MAGI1: variants seen among roughly 807,000 people sequenced by gnomAD.
MAGI1 encodes membrane associated guanylate kinase, WW and PDZ domain containing 1, also known as membrane-associated guanylate kinase, WW and PDZ domain-containing protein 1.
MAGI1 carries 58 observed loss-of-function variants against 139.9 expected under a neutral mutation model. The ratio of observed to expected loss-of-function variants is 0.41; its 90% CI spans 0.34 to 0.52. MAGI1 has a LOEUF of 0.52. MAGI1 is among the 20% of genes least tolerant of loss of function. The pLI is 0.12. For synonymous variants in MAGI1, 812 were observed against 737.9 expected (o/e 1.10, Z -1.63); for missense variants, 1,874 against 1,901.6 (o/e 0.99, Z 0.27).
At chr3:65,921,257 A>G (rs998373625) in intron 1 of MAGI1, among the ~76,000 whole-genome samples, 5 of 151,982 alleles carry the variant, frequency 3.3e-5, no homozygotes, top group African/African-American at 1.2e-4. Flanking sequence ...AAAAAAATTG[A>G]TTTGAGAAGA....
chr3:65,384,826 C>T (rs1943324038), intron 14 of MAGI1, among the ~76,000 whole-genome samples: 1 of 151,498 alleles, frequency 6.6e-6, no homozygotes, highest in African/African-American at 2.4e-5. Flanking sequence ...AAATATTAGG[C>T]TATTTTCTAG....
intron 1 of MAGI1, among the ~76,000 whole-genome samples, chr3:65,929,120 C>A (rs780168747): frequency 6.6e-6 from 1 of 151,144 alleles, no homozygotes; most frequent in South Asian, 2.1e-4. Flanking sequence ...TGCCGGTGCA[C>A]CCCAGCCTGA....
intron 1 of MAGI1, among the ~76,000 whole-genome samples, chr3:65,647,261 G>A (rs984142036): frequency 6.6e-6 from 1 of 152,096 alleles, no homozygotes; most frequent in Non-Finnish European, 1.5e-5. Context: ...TTTGACAACT[G>A]AGATGAAATG....
chr3:65,759,295 T>C (rs1311248164), intron 1 of MAGI1, among the ~76,000 whole-genome samples: 1 of 152,192 alleles, frequency 6.6e-6, no homozygotes, highest in Non-Finnish European at 1.5e-5. Context: ...CATATATTCA[T>C]GGATGTCATT....
rs537979822 is a variant in MAGI1, at chr3:65,793,676, T to C, written c.314-171588A>G. On this transcript the variant is annotated intron_variant, in intron 1 of 22. Transcript: ENST00000402939. ...GCGAAAATGCCTGCAACTGCTGGCC[T>C]GGGTGGAGCAGCTGCAGGTCTGCAT... is the stretch of plus-strand genomic sequence containing the variant. Among the ~76,000 whole-genome samples the C allele has an allele frequency of 1.6e-4, 25 of 152,330 alleles. 1 individual carries two copies. Among genetic ancestry groups the C allele is most frequent in the African/African-American group, 6.0e-4 (25 of 41,592 alleles).
intron 1 of MAGI1, among the ~76,000 whole-genome samples, chr3:65,868,978 A>G (rs1243417537): frequency 1.3e-5 from 2 of 152,010 alleles, no homozygotes; most frequent in East Asian, 3.9e-4. Flanking sequence ...AACATACCTC[A>G]TAATTACTGC....
rs959686968 is a variant in MAGI1, at chr3:65,569,064, A to G, written c.430+52908T>C. Among the ~76,000 whole-genome samples the G allele has an allele frequency of 2.6e-4, 39 of 152,242 alleles. 1 individual carries two copies. The highest frequency in any genetic ancestry group is 6.5e-5 in the Admixed American group (1 of 15,292). On this transcript the variant is annotated intron_variant, in intron 2 of 22. Coordinates refer to ENST00000402939, the MANE Select transcript of MAGI1 (RefSeq NM_001033057.2). ...AACCCAAGTGCCTATAGATAGATGA[A>G]TAGATAAACAAAATGTGGTACATAC...
chr3:65,953,943 T>C (rs1020123016), intron 1 of MAGI1, among the ~76,000 whole-genome samples: 1 of 152,220 alleles, frequency 6.6e-6, no homozygotes, highest in African/African-American at 2.4e-5. Context: ...TTAAAAGGTT[T>C]CTTGGACTAA....
At chr3:65,785,967 C>T (rs1479211639) in intron 1 of MAGI1, among the ~76,000 whole-genome samples, 1 of 150,540 alleles carries the variant, frequency 6.6e-6, no homozygotes, top group Non-Finnish European at 1.5e-5. Flanking sequence ...AACGGAGTCT[C>T]GCTCTGTCAC....
intron 1 of MAGI1, among the ~76,000 whole-genome samples, chr3:65,946,370 C>T (rs922188172): frequency 6.6e-6 from 1 of 152,204 alleles, no homozygotes. Context: ...AATTTCCTCC[C>T]TGCCTTTTCT....
At position 65,391,233 on chromosome 3, in the gene MAGI1, G is replaced by A; in HGVS notation, c.2325C>T (p.Ala775=). The part of the protein sequence containing the change: ...QVLPEFPPAE[A]QAPDQTDSSG... ...AGCTGTCAGTTTGATCTGGAGCTTG[G>A]GCCTCTGCAGGTGGGAACTCGGGGA... Residue 775 remains alanine (A), a synonymous_variant, in exon 14 of 23, where the codon GCC becomes GCT. Coordinates refer to ENST00000402939, the MANE Select transcript of MAGI1 (RefSeq NM_001033057.2). The A allele has an allele frequency of 1.2e-6, 2 of 1,614,126 alleles. No individual in the cohort carries two copies. Among genetic ancestry groups the A allele is most frequent in the South Asian group, 2.2e-5 (2 of 91,070 alleles).
chr3:65,718,973 T>C (rs565356923), intron 1 of MAGI1, among the ~76,000 whole-genome samples: 5 of 142,682 alleles, frequency 3.5e-5, no homozygotes, highest in Admixed American at 2.2e-4. Flanking sequence ...CCACAGCCTA[T>C]ATGTTGTTTT....
Position 65,856,627 on chromosome 3 carries a change from T to C in MAGI1, c.313+181369A>G, listed in dbSNP as rs1200466344. ...GACAACACGCCAGGCTTTCCTCCCC[T>C]CCATTCTGACATATCTCAGATGAAC... On this transcript the variant is annotated intron_variant, in intron 1 of 22. Coordinates refer to ENST00000402939, the MANE Select transcript of MAGI1 (RefSeq NM_001033057.2). 2.6e-5 allele frequency among the ~76,000 whole-genome samples: 4 copies of C among 152,110 alleles called. No individual in the cohort carries two copies. In the South Asian group the frequency reaches 8.3e-4, roughly 32 times the overall value.
intron 1 of MAGI1, among the ~76,000 whole-genome samples, chr3:66,024,029 T>C (rs993452747): frequency 6.6e-6 from 1 of 152,182 alleles, no homozygotes; most frequent in African/African-American, 2.4e-5. Context: ...AATGCCAAAG[T>C]AGACCACTTC....
intron 1 of MAGI1, among the ~76,000 whole-genome samples, chr3:65,832,480 G>A (rs964489486): frequency 1.3e-5 from 2 of 152,060 alleles, no homozygotes; most frequent in South Asian, 2.1e-4. Context: ...GCATGTCTCT[G>A]AATACGACAT....
At chr3:65,636,403 T>A (rs1303900473) in intron 1 of MAGI1, among the ~76,000 whole-genome samples, 2 of 152,172 alleles carry the variant, frequency 1.3e-5, no homozygotes, top group Non-Finnish European at 2.9e-5. Flanking sequence ...CACTCCACTA[T>A]TTTCATTCCA....
Position 65,357,082 on chromosome 3 carries a change from C to G in MAGI1, c.3685G>C (p.Glu1229Gln). The G allele has an allele frequency of 6.2e-7, 1 of 1,614,116 alleles. No individual in the cohort carries two copies. The highest frequency in any genetic ancestry group is 8.5e-7 in the Non-Finnish European group (1 of 1,180,010). Residue 1229 changes from glutamate (E) to glutamine (Q), a missense_variant, in exon 23 of 23, where the codon GAA (glutamate) becomes CAA (glutamine). This residue lies in a region of MAGI1 where 653 missense variants were observed against 644.5 expected (regional missense o/e 1.01). Transcript: ENST00000402939. ...CGGCGGTCGGGCCCGGCCCTCACTT[C>G]CGGAACACCTTGTGGACCGGTGGCG... ...GPATGPQGVP[E>Q]VRAGPDRRQH... is the part of the protein sequence containing the mutation.
intron 1 of MAGI1, among the ~76,000 whole-genome samples, chr3:65,975,831 T>C (rs903267827): frequency 3.9e-5 from 6 of 152,278 alleles, no homozygotes; most frequent in African/African-American, 1.2e-4. Context: ...AGCCTGAGTA[T>C]CCTTATTTTG....
rs34046056 is a variant in MAGI1 at position 65,984,512 on chromosome 3, A to ATGTGTGTGTGTGTG, written c.313+53470_313+53483dup. On this transcript the variant is annotated intron_variant, in intron 1 of 22. Coordinates refer to ENST00000402939, the MANE Select transcript of MAGI1 (RefSeq NM_001033057.2). ...TTTAATATAATATTTTCAAAATAAA[A>ATGTGTGTGTGTGTG]TGTGTGTGTGTGTGTGTGTGTGTGT... is the stretch of plus-strand genomic sequence containing the variant. Among the ~76,000 whole-genome samples, 1,155 of 140,442 alleles carry ATGTGTGTGTGTGTG rather than the reference A, an allele frequency of 8.2e-3. 8 individuals carry two copies. The highest frequency in any genetic ancestry group is 0.016 in the African/African-American group (590 of 37,326). 92.1% of individuals were successfully genotyped at this position (140,442 alleles called of 152,430 possible).
Sources: allele counts gnomAD v4.1 joint callset (sites outside exome capture counted in the v4.1 genomes callset), GRCh38; gene constraint gnomAD v4.1.1; regional missense constraint gnomAD v4.1.1; transcripts MANE v1.5; gene names NCBI Gene and HGNC (gene_info 2026-07-23, HGNC 2026-07-21).